The following AZI2 variants were observed in gnomAD, a reference collection of about 807,000 sequenced individuals.
The protein encoded by AZI2 is 5-azacytidine-induced protein 2.
AZI2 carries 22 observed loss-of-function variants against 45.8 expected under a neutral mutation model. The ratio of observed to expected loss-of-function variants is 0.48; its 90% confidence interval spans 0.34 to 0.69. AZI2 has a LOEUF of 0.69. Ranked by LOEUF, AZI2 falls within the 30% of genes least tolerant of loss-of-function variation. The pLI, the probability that AZI2 is intolerant of heterozygous loss-of-function variation, is 0.01. For missense variants in AZI2, 417 were observed against 441.5 expected (o/e 0.94, Z 0.50); for synonymous variants, 137 against 156.7 (o/e 0.87, Z 0.94).
chr3:28,337,030 T>C (rs557172894), intron 4 of AZI2, 145 bp from the exon 5 acceptor site: 1 of 749,518 alleles, frequency 1.3e-6, no homozygotes, highest in East Asian at 2.8e-5. Context: ...AAAACAGTAA[T>C]TATTAATACT....
At chr3:28,346,866 G>A (rs1456223820) in intron 1 of AZI2, among the ~76,000 whole-genome samples, 1 of 152,054 alleles carries the variant, frequency 6.6e-6, no homozygotes, top group African/African-American at 2.4e-5. Context: ...AAAAAGCCCT[G>A]TAATTCAATA....
intron 5 of AZI2, 77 bp downstream of exon 5, chr3:28,336,660 A>T: frequency 1.4e-6 from 2 of 1,417,936 alleles, no homozygotes; most frequent in Non-Finnish European, 1.9e-6. Flanking sequence ...TCTATGGTTT[A>T]ATACAATCTT....
chr3:28,329,674 GA>G (rs1391437054), intron 6 of AZI2, among the ~76,000 whole-genome samples: 2 of 151,078 alleles, frequency 1.3e-5, no homozygotes, highest in African/African-American at 2.4e-5. Flanking sequence ...AAAATTTACT[GA>G]ACTATTACAT....
chr3:28,323,984 G>T lies in AZI2; in HGVS notation c.*58C>A. The T allele has an allele frequency of 6.7e-7, 1 of 1,492,304 alleles. No individual in the cohort carries two copies. The highest frequency in any genetic ancestry group is 1.3e-5 in the South Asian group (1 of 76,086). 92.4% of individuals were successfully genotyped at this position (1,492,304 alleles called of 1,614,324 possible). On this transcript the variant is annotated 3_prime_UTR_variant, in exon 8 of 8. Coordinates refer to ENST00000479665, the MANE Select transcript of AZI2 (RefSeq NM_022461.5). ...CTTTCAGTTTGTTAAATAATTTCTT[G>T]GGAGGACCACTGAAAGAGATAAGTG...
intron 5 of AZI2, among the ~76,000 whole-genome samples, chr3:28,334,484 CT>C (rs749345145): frequency 6.6e-6 from 1 of 151,814 alleles, no homozygotes; most frequent in Non-Finnish European, 1.5e-5. Flanking sequence ...TGAGTGAGCC[CT>C]TTTTAACTTC....
intron 6 of AZI2, among the ~76,000 whole-genome samples, chr3:28,329,260 G>C (rs1703493011): frequency 6.6e-6 from 1 of 151,036 alleles, no homozygotes. Flanking sequence ...TTACACACGA[G>C]GAAATGGGTT....
intron 1 of AZI2, among the ~76,000 whole-genome samples, chr3:28,342,441 C>A (rs572525907): frequency 2.6e-5 from 4 of 151,860 alleles, no homozygotes; most frequent in Non-Finnish European, 5.9e-5. Context: ...AAAAAAGTGG[C>A]GGATTCTCAG....
chr3:28,339,717 T>C (rs1333701926), intron 2 of AZI2, among the ~76,000 whole-genome samples: 1 of 152,110 alleles, frequency 6.6e-6, no homozygotes, highest in Non-Finnish European at 1.5e-5. Context: ...CTGCTCTTTG[T>C]AGGATAAAAA....
chr3:28,325,398 G>A (rs570448337), intron 7 of AZI2, among the ~76,000 whole-genome samples: 3 of 150,986 alleles, frequency 2.0e-5, no homozygotes, highest in Non-Finnish European at 4.5e-5. Flanking sequence ...TTTCCTGGGA[G>A]GGTGGATATG....
rs1577138866 is a variant in AZI2, at chr3:28,341,010, A to G, written c.-5-388T>C. ...ATCTTCTCCTAACATTTCCACTTAG[A>G]TCTATTAGTAGCAAGTTTCATAGCT... On this transcript the variant is annotated intron_variant, in intron 1 of 7. Transcript: ENST00000479665. Among the ~76,000 whole-genome samples, 4 of 152,158 alleles carry G rather than the reference A, an allele frequency of 2.6e-5. No homozygotes were observed. The East Asian group carries it at 7.7e-4, about 29-fold the overall frequency.
In AZI2 at chr3:28,330,286, T is replaced by G. The variant is rs777997823; in HGVS notation, c.647+2083A>C. 2.6e-5 allele frequency among the ~76,000 whole-genome samples: 4 copies of G among 151,392 alleles called. No homozygotes were observed. The East Asian group carries it at 7.8e-4, about 29-fold the overall frequency. On this transcript the variant is annotated intron_variant, in intron 6 of 7. Coordinates refer to ENST00000479665, the MANE Select transcript of AZI2 (RefSeq NM_022461.5). ...TTAAAAGGTTCACTCTATCTTAAGA[T>G]AGAGAAACAGTATACTACACCTCAT... is the stretch of plus-strand genomic sequence containing the variant.
rs140850573 is a variant in AZI2, at chr3:28,322,542, T to C, written c.*1500A>G. 1.3e-5 allele frequency: 2 copies of C among 151,722 alleles called. No individual in the cohort carries two copies. The highest frequency in any genetic ancestry group is 4.8e-5 in the African/African-American group (2 of 41,448). 9.4% of individuals were successfully genotyped at this position (151,722 alleles called of 1,614,324 possible). On this transcript the variant is annotated 3_prime_UTR_variant, in exon 8 of 8. Coordinates refer to ENST00000479665, the MANE Select transcript of AZI2 (RefSeq NM_022461.5). ...ATAATATACAGCCTATGCAGCCACA[T>C]GAGAAATAGTTTTTGCTGCTTTGTT...
intron 7 of AZI2, chr3:28,326,530 A>T (rs1703398416): frequency 4.5e-6 from 1 of 220,218 alleles, no homozygotes; most frequent in African/African-American, 2.3e-5. Flanking sequence ...AGCTGTGGTA[A>T]AAGGTCAACT....
intron 1 of AZI2, among the ~76,000 whole-genome samples, chr3:28,347,127 A>T (rs1704273267): frequency 6.6e-6 from 1 of 152,160 alleles, no homozygotes; most frequent in African/African-American, 2.4e-5. Flanking sequence ...GTTATTGAAA[A>T]TTATTTTCTA....
At chr3:28,331,357 A>C (rs1703562972) in intron 6 of AZI2, among the ~76,000 whole-genome samples, 2 of 151,532 alleles carry the variant, frequency 1.3e-5, no homozygotes, top group Admixed American at 1.3e-4. Flanking sequence ...ACTATACTAG[A>C]CACATTTTTC....
At chr3:28,329,194 T>C (rs1703491007) in intron 6 of AZI2, among the ~76,000 whole-genome samples, 1 of 151,202 alleles carries the variant, frequency 6.6e-6, no homozygotes, top group African/African-American at 2.4e-5. Flanking sequence ...ACTTATTATA[T>C]ACTAGGCACT....
intron 6 of AZI2, chr3:28,332,097 C>T (rs1703601561): frequency 3.3e-6 from 2 of 611,958 alleles, no homozygotes; most frequent in South Asian, 4.6e-5. Context: ...CAGAATACCT[C>T]CACATAGCTA....
chr3:28,347,089 C>T (rs943341717), intron 1 of AZI2, among the ~76,000 whole-genome samples: 1 of 152,108 alleles, frequency 6.6e-6, no homozygotes, highest in Non-Finnish European at 1.5e-5. Flanking sequence ...TGCAACTAAG[C>T]ATCTACTATA....
chr3:28,335,125 G>A (rs576488129), intron 5 of AZI2, among the ~76,000 whole-genome samples: 2 of 151,928 alleles, frequency 1.3e-5, no homozygotes, highest in East Asian at 3.9e-4. Flanking sequence ...CATGAAAAAA[G>A]GTATTTAATG....
Sources: gnomAD v4.1 joint callset for allele counts (sites outside exome capture counted in the v4.1 genomes callset) on GRCh38, gnomAD v4.1.1 for gene constraint, MANE v1.5 for transcripts, NCBI Gene and HGNC (gene_info 2026-07-23, HGNC 2026-07-21) for gene names.